The following GUCY2C variants were observed in gnomAD, a reference collection of about 807,000 sequenced individuals.
GUCY2C encodes the protein guanylyl cyclase C.
GUCY2C carries 118 observed loss-of-function variants against 131.1 expected under a neutral mutation model. The ratio of observed to expected loss-of-function variants is 0.90; its 90% CI spans 0.78 to 1.05. The LOEUF (loss-of-function observed/expected upper bound fraction) is 1.05, where lower values mean the gene tolerates loss of function less well. Ranked by LOEUF, GUCY2C falls within the 50% of genes least tolerant of loss-of-function variation. The probability of loss-of-function intolerance (pLI) is 0.00; values close to 1 mark genes in which losing one functional copy is unlikely to be tolerated. For synonymous variants in GUCY2C, 452 were observed against 457.8 expected (o/e 0.99, Z 0.16); for missense variants, 1,161 against 1,304.4 (o/e 0.89, Z 1.69).
intron 8 of GUCY2C, 77 bp from the exon 9 acceptor site, chr12:14,673,035 G>A (rs1171756800): frequency 1.2e-6 from 1 of 820,574 alleles, no homozygotes; most frequent in African/African-American, 1.7e-5. Context: ...GACAGAGAGT[G>A]TAAAATGGGT....
rs730880325 is a variant in GUCY2C at position 14,625,894 on chromosome 12, A to AT, written c.2270dup (p.Asn757LysfsTer2). ...GGATCAAGGTATCCATATAGCTTTC[A>AT]TTTTTTTGGTCATGAAAAAGTCTGT... On this transcript the variant is annotated frameshift_variant, in exon 21 of 27. Coordinates refer to ENST00000261170, the MANE Select transcript of GUCY2C (RefSeq NM_004963.4). LOFTEE classifies it high-confidence loss of function. The AT allele has an allele frequency of 3.1e-6, 5 of 1,612,968 alleles. No individual in the cohort carries two copies. Among genetic ancestry groups the AT allele is most frequent in the African/African-American group, 1.3e-5 (1 of 74,888 alleles).
chr12:14,658,787 T>C (rs904584462), intron 11 of GUCY2C, among the ~76,000 whole-genome samples: 10 of 151,858 alleles, frequency 6.6e-5, no homozygotes, highest in Non-Finnish European at 1.3e-4. Context: ...ACATAAACTA[T>C]GCATTAACAT....
intron 20 of GUCY2C, 59 bp from the exon 21 acceptor site, chr12:14,625,974 A>G: frequency 1.0e-6 from 1 of 970,888 alleles, no homozygotes; most frequent in African/African-American, 1.6e-5. Context: ...TGAACATCCA[A>G]TAAAACAATG....
At chr12:14,628,771 G>A (rs773217332) in intron 19 of GUCY2C, 34 bp from the exon 20 acceptor site, 1 of 1,002,948 alleles carries the variant, frequency 1.0e-6, no homozygotes, top group South Asian at 1.3e-5. Flanking sequence ...ATTAGCTAAG[G>A]GGATAGTAAA....
intron 8 of GUCY2C, among the ~76,000 whole-genome samples, chr12:14,673,534 C>G (rs1347058864): frequency 6.6e-6 from 1 of 152,150 alleles, no homozygotes; most frequent in African/African-American, 2.4e-5. Context: ...ATACCAGGCT[C>G]TGTGCTAAGT....
intron 24 of GUCY2C, among the ~76,000 whole-genome samples, chr12:14,618,611 G>A (rs772716855): frequency 6.6e-6 from 1 of 152,036 alleles, no homozygotes; most frequent in South Asian, 2.1e-4. Flanking sequence ...GACCAGCCTG[G>A]GCAACATAGT....
intron 5 of GUCY2C, among the ~76,000 whole-genome samples, 200 bp from the exon 6 acceptor site, chr12:14,679,953 T>TA (rs1328209011): frequency 2.0e-5 from 3 of 151,744 alleles, no homozygotes; most frequent in Non-Finnish European, 4.4e-5. Flanking sequence ...GGATCTTTTT[T>TA]AAAAAAATCA....
intron 10 of GUCY2C, among the ~76,000 whole-genome samples, chr12:14,668,004 T>C (rs911321658): frequency 3.9e-4 from 55 of 139,292 alleles, no homozygotes; most frequent in African/African-American, 1.2e-3. Flanking sequence ...ATTTTCTTTT[T>C]TTTTTTTTTT....
Position 14,686,159 on chromosome 12 carries a change from A to G in GUCY2C, c.395+2T>C, listed in dbSNP as rs781048413. The G allele has an allele frequency of 1.3e-6, 2 of 1,569,734 alleles. No homozygotes were observed. Among genetic ancestry groups the G allele is most frequent in the African/African-American group, 1.3e-5 (1 of 74,172 alleles). On this transcript the variant is annotated splice_donor_variant, in intron 3 of 26. Coordinates refer to ENST00000261170, the MANE Select transcript of GUCY2C (RefSeq NM_004963.4). LOFTEE classifies it high-confidence loss of function. ...ACTTCAGTTCACAGTAGTATTACTT[A>G]CTACATCTGGAAGGTGGAGTATGTA...
intron 18 of GUCY2C, among the ~76,000 whole-genome samples, chr12:14,640,823 G>A (rs576740140): frequency 6.6e-6 from 1 of 152,278 alleles, no homozygotes; most frequent in East Asian, 1.9e-4. Context: ...AAAGGAAAGA[G>A]GACAATTGTA....
intron 19 of GUCY2C, among the ~76,000 whole-genome samples, chr12:14,639,299 C>CAAAA (rs34629608): frequency 1.3e-5 from 1 of 77,120 alleles, no homozygotes; most frequent in Non-Finnish European, 2.8e-5. Flanking sequence ...GACTCCGTCT[C>CAAAA]AAAAAAAAAA....
chr12:14,668,253 C>G (rs1948026287), intron 10 of GUCY2C, among the ~76,000 whole-genome samples: 2 of 152,156 alleles, frequency 1.3e-5, no homozygotes, highest in Non-Finnish European at 2.9e-5. Context: ...TTACAACAAC[C>G]TCTGCCTCCT....
Position 14,655,495 on chromosome 12 carries a change from A to ATTAGAGGG in GUCY2C, c.1470+1016_1470+1017insCCCTCTAA, listed in dbSNP as rs1168540068. Among the ~76,000 whole-genome samples the ATTAGAGGG allele has an allele frequency of 6.8e-4, 104 of 152,324 alleles. No individual in the cohort carries two copies. The East Asian group carries it at 0.017, about 25-fold the overall frequency. Reference sequence around the variant, plus strand: ...GATTGGAGCCATTAGAGGGCAGCACACAGGACTTGGGGAGGAGGGTCAAGA... The same window carrying ATTAGAGGG: ...GATTGGAGCCATTAGAGGGCAGCACATTAGAGGGCAGGACTTGGGGAGGAGGGTCAAGA... On this transcript the variant is annotated intron_variant, in intron 12 of 26. Transcript: ENST00000261170.
At chr12:14,623,614 A>G (rs1377658359) in intron 21 of GUCY2C, among the ~76,000 whole-genome samples, 1 of 152,186 alleles carries the variant, frequency 6.6e-6, no homozygotes, top group Non-Finnish European at 1.5e-5. Flanking sequence ...GTTTGGTGAT[A>G]TGGTTTGGCT....
Position 14,639,844 on chromosome 12 carries a change from A to G in GUCY2C, c.2157+18T>C. On this transcript the variant is annotated intron_variant, in intron 19 of 26. Transcript: ENST00000261170. ...TTTATAGCAGGCCAAGGAAATGAAT[A>G]CGGGAAGATATACTCACTTCTAGCT... 2 of 1,418,408 alleles carry G rather than the reference A, an allele frequency of 1.4e-6. No homozygotes were observed. Among genetic ancestry groups the G allele is most frequent in the South Asian group, 1.1e-5 (1 of 87,088 alleles). 87.9% of individuals were successfully genotyped at this position (1,418,408 alleles called of 1,614,324 possible).
At chr12:14,628,236 A>G (rs190194205) in intron 20 of GUCY2C, among the ~76,000 whole-genome samples, 1 of 152,296 alleles carries the variant, frequency 6.6e-6, no homozygotes, top group Non-Finnish European at 1.5e-5. Flanking sequence ...TTAAGTACCT[A>G]GGGCCAAAGC....
At chr12:14,666,243 G>T (rs556027902) in intron 10 of GUCY2C, among the ~76,000 whole-genome samples, 2 of 152,244 alleles carry the variant, frequency 1.3e-5, no homozygotes, top group East Asian at 3.9e-4. Context: ...GGCTTTACCC[G>T]GCCGGCACAA....
chr12:14,647,083 A>G (rs1947537129), intron 15 of GUCY2C, among the ~76,000 whole-genome samples: 1 of 152,106 alleles, frequency 6.6e-6, no homozygotes, highest in Admixed American at 6.6e-5. Context: ...TGGGAAAAGA[A>G]CCTTTTGTGG....
At position 14,676,901 on chromosome 12, in the gene GUCY2C, G is replaced by T. The variant is rs1221353893; in HGVS notation, c.901C>A (p.Pro301Thr). The change falls in exon 7 of 27, where the codon CCT becomes ACT. Residue 301 changes from proline to threonine, a missense_variant. Physicochemically the swap from Pro to Thr is conservative, Grantham distance 38 (BLOSUM62 -1). Coordinates refer to ENST00000261170, the MANE Select transcript of GUCY2C (RefSeq NM_004963.4). The stretch of plus-strand genomic sequence containing the variant: ...GAGCTATTTAGAAGGGAATTCCCAG[G>T]AGACAGCGTCAGAACAAGGACATTT... Reference protein sequence around the residue: ...MKNVLVLTLSPGNSLLNSSFS... With the variant: ...MKNVLVLTLSTGNSLLNSSFS... 3 of 1,570,352 alleles carry T rather than the reference G, an allele frequency of 1.9e-6. No individual in the cohort carries two copies. Among genetic ancestry groups the T allele is most frequent in the South Asian group, 1.2e-5 (1 of 84,966 alleles).
Sources: allele counts gnomAD v4.1 joint callset (sites outside exome capture counted in the v4.1 genomes callset), GRCh38; gene constraint gnomAD v4.1.1; transcripts MANE v1.5; gene names NCBI Gene and HGNC (gene_info 2026-07-23, HGNC 2026-07-21).